Variants in PPIG observed in about 807,000 individuals in gnomAD.
PPIG encodes peptidyl-prolyl cis-trans isomerase G.
PPIG carries 26 observed loss-of-function variants against 87.9 expected under a neutral mutation model. The ratio of observed to expected loss-of-function variants is 0.30; its 90% CI spans 0.22 to 0.41. The LOEUF is 0.41. PPIG is among the 10% of genes least tolerant of loss of function. The pLI is 1.00. For synonymous variants in PPIG, 308 were observed against 276.5 expected (o/e 1.11, Z -1.13); for missense variants, 722 against 879.4 (o/e 0.82, Z 2.26).
rs1266149633 is a variant in PPIG at position 169,636,080 on chromosome 2, A to T, written c.1018-12A>T. 1 of 1,580,810 alleles carries T rather than the reference A, an allele frequency of 6.3e-7. No individual in the cohort carries two copies. The highest frequency in any genetic ancestry group is 1.4e-5 in the African/African-American group (1 of 73,294). ...CTATACATTAATTTTTCCCTATTTT[A>T]ATTTTCTTTAGCGTTATCGAACTCC... On this transcript the variant is annotated splice_polypyrimidine_tract_variant and intron_variant, in intron 12 of 13. Transcript: ENST00000260970.
At chr2:169,586,212 TGTA>T (rs768630792) in intron 1 of PPIG, among the ~76,000 whole-genome samples, 78 of 152,302 alleles carry the variant, frequency 5.1e-4, no homozygotes, top group Admixed American at 1.5e-3. Flanking sequence ...TATAGGGTCT[TGTA>T]GTAGGATTCT....
At chr2:169,622,421 C>T (rs1685781864) in intron 9 of PPIG, among the ~76,000 whole-genome samples, 2 of 152,186 alleles carry the variant, frequency 1.3e-5, no homozygotes, top group Admixed American at 1.3e-4. Flanking sequence ...TTACTTACAT[C>T]TTTATAATGC....
At chr2:169,589,904 GT>G (rs1487469173) in intron 1 of PPIG, among the ~76,000 whole-genome samples, 1 of 151,826 alleles carries the variant, frequency 6.6e-6, no homozygotes, top group East Asian at 2.0e-4. Context: ...GCGATTGGGA[GT>G]TTGAGACCAG....
At chr2:169,609,404 T>A (rs999149905) in intron 7 of PPIG, among the ~76,000 whole-genome samples, 5 of 150,732 alleles carry the variant, frequency 3.3e-5, no homozygotes, top group Admixed American at 1.3e-4. Flanking sequence ...AGAGACGGGG[T>A]CTCCCTGTGT....
chr2:169,614,815 C>G, intron 9 of PPIG, 91 bp downstream of exon 9: 1 of 1,374,204 alleles, frequency 7.3e-7, no homozygotes, highest in Non-Finnish European at 9.7e-7. Flanking sequence ...CATACTCAAG[C>G]TGAAAGAAAA....
chr2:169,601,173 T>C (rs1019868376), intron 1 of PPIG, among the ~76,000 whole-genome samples: 1 of 152,240 alleles, frequency 6.6e-6, no homozygotes, highest in Non-Finnish European at 1.5e-5. Flanking sequence ...TAGTATTAAA[T>C]AGCATTTTAT....
At chr2:169,600,099 CG>C (rs1685138562) in intron 1 of PPIG, among the ~76,000 whole-genome samples, 1 of 142,414 alleles carries the variant, frequency 7.0e-6, no homozygotes, top group African/African-American at 2.6e-5. Flanking sequence ...TTTTTTGAAA[CG>C]GGGTCTCACT....
intron 11 of PPIG, among the ~76,000 whole-genome samples, chr2:169,632,765 T>C (rs1686091160): frequency 6.6e-6 from 1 of 151,300 alleles, no homozygotes; most frequent in African/African-American, 2.4e-5. Flanking sequence ...ATAATAATAA[T>C]AACTATGTCC....
At chr2:169,632,704 C>G (rs981380937) in intron 11 of PPIG, among the ~76,000 whole-genome samples, 1 of 151,946 alleles carries the variant, frequency 6.6e-6, no homozygotes, top group Non-Finnish European at 1.5e-5. Flanking sequence ...GAGATCACGG[C>G]ACTGCACTCC....
At chr2:169,619,882 G>A (rs1042321709) in intron 9 of PPIG, among the ~76,000 whole-genome samples, 5 of 151,902 alleles carry the variant, frequency 3.3e-5, no homozygotes, top group Non-Finnish European at 5.9e-5. Context: ...GTATGTCTTC[G>A]TTTGAGAAAT....
chr2:169,617,180 C>T (rs1027796353), intron 9 of PPIG, among the ~76,000 whole-genome samples: 14 of 151,970 alleles, frequency 9.2e-5, no homozygotes, highest in Non-Finnish European at 4.4e-5. Context: ...AGATGTGTGG[C>T]GTTATTTCTG....
intron 1 of PPIG, among the ~76,000 whole-genome samples, chr2:169,600,708 A>G (rs1559177366): frequency 6.6e-6 from 1 of 152,142 alleles, no homozygotes; most frequent in South Asian, 2.1e-4. Flanking sequence ...ATAATTGAAG[A>G]TTTAAATTAC....
intron 1 of PPIG, among the ~76,000 whole-genome samples, chr2:169,592,729 C>T (rs983798302): frequency 5.3e-5 from 8 of 151,986 alleles, no homozygotes; most frequent in African/African-American, 1.5e-4. Flanking sequence ...TGTGAACCAC[C>T]GTGATTTCAG....
At chr2:169,622,143 C>G (rs1441163319) in intron 9 of PPIG, among the ~76,000 whole-genome samples, 1 of 151,944 alleles carries the variant, frequency 6.6e-6, no homozygotes, top group African/African-American at 2.4e-5. Flanking sequence ...GAGTTTTTGG[C>G]CAGGCTCTGG....
intron 7 of PPIG, among the ~76,000 whole-genome samples, chr2:169,612,306 C>T (rs1391226304): frequency 6.6e-6 from 1 of 150,962 alleles, no homozygotes; most frequent in Non-Finnish European, 1.5e-5. Flanking sequence ...AATTTTTGTC[C>T]TTTTGTATCT....
chr2:169,608,368 A>T (rs1038679348), intron 6 of PPIG, among the ~76,000 whole-genome samples: 3 of 152,048 alleles, frequency 2.0e-5, no homozygotes, highest in Non-Finnish European at 4.4e-5. Flanking sequence ...GGGCGCCTGT[A>T]GTCCCAGCTA....
At chr2:169,631,959 T>G (rs1183221645) in intron 11 of PPIG, 26 bp downstream of exon 11, 1 of 1,547,394 alleles carries the variant, frequency 6.5e-7, no homozygotes, top group Non-Finnish European at 8.8e-7. Context: ...TATTTTGCCT[T>G]ACATGGTTTA....
chr2:169,601,822 C>T lies in PPIG; in HGVS notation c.-69-1820C>T, dbSNP rs541302054. 9.9e-5 allele frequency among the ~76,000 whole-genome samples: 15 copies of T among 151,450 alleles called. No individual in the cohort carries two copies. The South Asian group carries it at 2.1e-3, about 21-fold the overall frequency. ...TTACAGTAGCCACAAGCCACATGTG[C>T]TTTTTGAGCACTTGAAATGTGGCTA... On this transcript the variant is annotated intron_variant, in intron 1 of 13. Transcript: ENST00000260970.
At chr2:169,633,514 C>T in intron 12 of PPIG, 1 of 523,458 alleles carries the variant, frequency 1.9e-6, no homozygotes, top group Admixed American at 3.8e-5. Context: ...TCTTGGCAAT[C>T]ACTGTATCTC....
Sources: gnomAD v4.1 joint callset for allele counts (sites outside exome capture counted in the v4.1 genomes callset) on GRCh38, gnomAD v4.1.1 for gene constraint, MANE v1.5 for transcripts, NCBI Gene and HGNC (gene_info 2026-07-23, HGNC 2026-07-21) for gene names.